DYNC2H1: variants seen among roughly 807,000 people sequenced by gnomAD.
The protein encoded by DYNC2H1 is dynein cytoplasmic 2 heavy chain 1, also known as cytoplasmic dynein 2 heavy chain 1.
Under a neutral mutation model 570.0 loss-of-function variants are expected in DYNC2H1, and 410 were observed. The observed-to-expected ratio is 0.72, with a 90% CI of 0.66 to 0.78. The LOEUF (loss-of-function observed/expected upper bound fraction) is 0.78, where lower values mean the gene tolerates loss of function less well. Among genes scored for constraint, DYNC2H1 ranks in the 30% least tolerant of loss-of-function variants. The probability of loss-of-function intolerance (pLI) is 0.00; values close to 1 mark genes in which losing one functional copy is unlikely to be tolerated. For synonymous variants in DYNC2H1, 1,688 were observed against 1,677.6 expected, an observed-to-expected ratio of 1.01 and a Z score of -0.15; for missense variants, 4,865 against 5,046.4, an observed-to-expected ratio of 0.96 and a Z score of 1.09.
chr11:103,269,634 G>A (rs761542639), intron 70 of DYNC2H1, among the ~76,000 whole-genome samples: 3 of 152,108 alleles, frequency 2.0e-5, no homozygotes, highest in Non-Finnish European at 4.4e-5. Flanking sequence ...CATAAAGAAA[G>A]CTGTCTAGAC....
intron 54 of DYNC2H1, among the ~76,000 whole-genome samples, chr11:103,213,056 A>G (rs571033090): frequency 7.9e-5 from 12 of 152,264 alleles, no homozygotes; most frequent in African/African-American, 2.4e-4. Flanking sequence ...CAAAAACATG[A>G]TAGAAGGTAA....
Position 103,307,735 on chromosome 11 carries a change from T to A in DYNC2H1, c.11397T>A (p.Leu3799=). The change falls in exon 78 of 89, where the codon CTT becomes CTA. Residue 3799 remains leucine (L), a synonymous_variant. Transcript: ENST00000375735. ...LPVLEKELNT[L]QPKDTFRLWL... ...TTGTAAACAAGGAATTGAATACTCT[T>A]CAACCTAAAGATACCTTTCGTCTTT... 6.3e-7 allele frequency: 1 copy of A among 1,593,484 alleles called. No homozygotes were observed. Among genetic ancestry groups the A allele is most frequent in the South Asian group, 1.1e-5 (1 of 87,068 alleles).
chr11:103,200,975 C>A (rs772583937), intron 50 of DYNC2H1, among the ~76,000 whole-genome samples: 1 of 151,876 alleles, frequency 6.6e-6, no homozygotes, highest in Non-Finnish European at 1.5e-5. Context: ...TACAGGCATG[C>A]GCCACCATGC....
rs776451828 is a variant in DYNC2H1 at position 103,199,080 on chromosome 11, T to C, written c.7840-148T>C. 2 of 491,404 alleles carry C rather than the reference T, an allele frequency of 4.1e-6. No homozygotes were observed. The highest frequency in any genetic ancestry group is 6.7e-6 in the Non-Finnish European group (2 of 297,880). 30.4% of individuals were successfully genotyped at this position (491,404 alleles called of 1,614,324 possible). A position where few individuals can be genotyped will look rare whatever the true frequency, so the allele number is the denominator to read the frequency against. ...TATTTATCCAGGATTACCAGACATA[T>C]AAAATATTGAGTGTGAGATGATATG... On this transcript the variant is annotated intron_variant, in intron 48 of 88. Coordinates refer to ENST00000375735, the MANE Select transcript of DYNC2H1 (RefSeq NM_001377.3). This position sits in a 1 kb window ranked among gnomAD's most constrained non-coding sequence, Gnocchi z 4.6.
intron 11 of DYNC2H1, 132 bp downstream of exon 11, chr11:103,123,132 T>G (rs2134725244): frequency 1.5e-6 from 1 of 668,906 alleles, no homozygotes; most frequent in Non-Finnish European, 2.1e-6. Flanking sequence ...TGTTGTTTGT[T>G]TTTGATCATC....
In DYNC2H1 at chr11:103,192,179, T is replaced by G; in HGVS notation, c.7623T>G (p.Gly2541=). The change falls in exon 47 of 89, where the codon GGT becomes GGG. Residue 2541 remains glycine, a synonymous_variant. Coordinates refer to ENST00000375735, the MANE Select transcript of DYNC2H1 (RefSeq NM_001377.3). ...GCTTATTTCGTGACAAAATTGTTGG[T>G]GCAAAGGAACTTCATTTATTTGACA... is the stretch of plus-strand genomic sequence containing the variant. ...ARRLFRDKIV[G]AKELHLFDII... is the part of the protein sequence containing the mutation. The G allele has an allele frequency of 6.3e-7, 1 of 1,584,724 alleles. No homozygotes were observed. Among genetic ancestry groups the G allele is most frequent in the Non-Finnish European group, 8.6e-7 (1 of 1,162,390 alleles).
chr11:103,210,612 T>G (rs570260826), intron 53 of DYNC2H1, among the ~76,000 whole-genome samples: 1 of 152,190 alleles, frequency 6.6e-6, no homozygotes, highest in Non-Finnish European at 1.5e-5. Flanking sequence ...ATAGTAGAAC[T>G]TTCTATGAAA....
rs374104623 is a variant in DYNC2H1, at chr11:103,135,728, G to A, written c.2354G>A (p.Arg785Gln). ...TATTTATTTACTTTTAGACAGGGAC[G>A]ATTACAATTCAGGCCCCCTTTTGAA... ...INIDLTYKQG[R>Q]LQFRPPFEEI... is the part of the protein sequence containing the mutation. Residue 785 changes from arginine (R) to glutamine (Q), a missense_variant, in exon 17 of 89, where the codon CGA (arginine) becomes CAA (glutamine). Arg to Gln is a conservative substitution (Grantham distance 43). Coordinates refer to ENST00000375735, the MANE Select transcript of DYNC2H1 (RefSeq NM_001377.3). The A allele has an allele frequency of 1.2e-5, 20 of 1,608,674 alleles. No homozygotes were observed. The highest frequency in any genetic ancestry group is 2.2e-5 in the South Asian group (2 of 89,976).
chr11:103,238,806 C>T (rs114675950), intron 63 of DYNC2H1, among the ~76,000 whole-genome samples: 2,166 of 152,268 alleles, frequency 0.014, 52 homozygotes, highest in African/African-American at 0.048. Flanking sequence ...GGTCTTACAA[C>T]AGGAATTAGT....
chr11:103,418,682 G>A (rs898733777), intron 84 of DYNC2H1, among the ~76,000 whole-genome samples: 7 of 152,190 alleles, frequency 4.6e-5, no homozygotes, highest in Non-Finnish European at 1.5e-5. Context: ...AGAACTCACA[G>A]AGAACAAAGA....
At position 103,325,476 on chromosome 11, in the gene DYNC2H1, C is replaced by T. The variant is rs532853223; in HGVS notation, c.12039+1486C>T. ...ATTTATTGAATAGGAAGTTCTTTCC[C>T]CACTGCTTGTTTTATGGACCTTGTC... On this transcript the variant is annotated intron_variant, in intron 82 of 88. Coordinates refer to ENST00000375735, the MANE Select transcript of DYNC2H1 (RefSeq NM_001377.3). The surrounding 1 kb of genome is among the most constrained non-coding windows in gnomAD (Gnocchi z 4.8). Among the ~76,000 whole-genome samples the T allele has an allele frequency of 1.3e-5, 2 of 152,288 alleles. No homozygotes were observed. The highest frequency in any genetic ancestry group is 6.5e-5 in the Admixed American group (1 of 15,290).
chr11:103,109,902 TCTC>T (rs1313704384), intron 1 of DYNC2H1, 133 bp downstream of exon 1: 8 of 931,110 alleles, frequency 8.6e-6, no homozygotes, highest in African/African-American at 5.0e-5. Flanking sequence ...TGTCTCCACT[TCTC>T]CTGCATTATT....
At chr11:103,383,466 T>A (rs1941742147) in intron 83 of DYNC2H1, among the ~76,000 whole-genome samples, 1 of 88,962 alleles carries the variant, frequency 1.1e-5, no homozygotes, top group Admixed American at 1.6e-4. Context: ...TTCTTTCTCC[T>A]TTTAAATCTT....
intron 82 of DYNC2H1, among the ~76,000 whole-genome samples, chr11:103,350,392 T>C (rs1265228553): frequency 6.6e-6 from 1 of 152,148 alleles, no homozygotes; most frequent in Non-Finnish European, 1.5e-5. Context: ...TTCTTAGACA[T>C]TTAATTGTCT....
chr11:103,196,950 G>C (rs898758688), intron 47 of DYNC2H1, among the ~76,000 whole-genome samples: 4 of 152,040 alleles, frequency 2.6e-5, no homozygotes, highest in African/African-American at 9.7e-5. Flanking sequence ...TGTTTTTTTA[G>C]GGGAGTTTGG....
rs3019073 is a variant in DYNC2H1, at chr11:103,446,015, C to T, written c.12457-9171C>T. Among the ~76,000 whole-genome samples the T allele has an allele frequency of 0.36, 54,192 of 151,394 alleles. 10,288 individuals are homozygous for T. The highest frequency in any genetic ancestry group is 0.48 in the African/African-American group (19,879 of 41,234). Reference sequence around the variant, plus strand: ...GGTTTAGTGAGTTGAAGGATACTGACAATATGGTAATAGAGCAGAGTTTTG... The same window carrying T: ...GGTTTAGTGAGTTGAAGGATACTGATAATATGGTAATAGAGCAGAGTTTTG... On this transcript the variant is annotated intron_variant, in intron 85 of 88. Coordinates refer to ENST00000375735, the MANE Select transcript of DYNC2H1 (RefSeq NM_001377.3). This position sits in a 1 kb window ranked among gnomAD's most constrained non-coding sequence, Gnocchi z 4.5.
At chr11:103,320,232 C>T (rs1377016870) in intron 80 of DYNC2H1, among the ~76,000 whole-genome samples, 4 of 151,956 alleles carry the variant, frequency 2.6e-5, no homozygotes, top group Non-Finnish European at 5.9e-5. Context: ...GGTGAAATCC[C>T]GTCTCTACTA....
In DYNC2H1 at chr11:103,203,655, T is replaced by G. The variant is rs745796755; in HGVS notation, c.8198-8T>G. ...AATGTTTTCAATTAGTCTAATATTT[T>G]TCTGTAGGTGAAGTTCCTGGACTCT... On this transcript the variant is annotated splice_region_variant and splice_polypyrimidine_tract_variant and intron_variant, in intron 50 of 88. Coordinates refer to ENST00000375735, the MANE Select transcript of DYNC2H1 (RefSeq NM_001377.3). This position sits in a 1 kb window ranked among gnomAD's most constrained non-coding sequence, Gnocchi z 4.7. 2 of 1,549,838 alleles carry G rather than the reference T, an allele frequency of 1.3e-6. No individual in the cohort carries two copies. The highest frequency in any genetic ancestry group is 2.4e-5 in the South Asian group (2 of 83,082).
Position 103,174,047 on chromosome 11 carries a change from T to C in DYNC2H1, c.5559-8T>C, listed in dbSNP as rs794727588. The C allele has an allele frequency of 6.4e-7, 1 of 1,565,808 alleles. No individual in the cohort carries two copies. The highest frequency in any genetic ancestry group is 1.9e-5 in the Admixed American group (1 of 53,678). On this transcript the variant is annotated splice_region_variant and splice_polypyrimidine_tract_variant and intron_variant, in intron 35 of 88. Coordinates refer to ENST00000375735, the MANE Select transcript of DYNC2H1 (RefSeq NM_001377.3). ...TTTGATGTGTTGATTTCCATGTCTC[T>C]ATTTCAGGGAACTTTTGACACCTCA...
Sources: gnomAD v4.1 joint callset for allele counts (sites outside exome capture counted in the v4.1 genomes callset) on GRCh38, gnomAD v4.1.1 for gene constraint, Gnocchi (gnomAD v3.1) non-coding constraint, MANE v1.5 for transcripts, NCBI Gene and HGNC (gene_info 2026-07-23, HGNC 2026-07-21) for gene names.